The following CDIN1 variants were observed in gnomAD, a reference collection of about 807,000 sequenced individuals.
The protein encoded by CDIN1 is CDAN1-interacting nuclease 1.
In CDIN1, 33 loss-of-function variants were observed where a neutral mutation model predicts 45.3. The observed-to-expected ratio is 0.73, with a 90% CI of 0.55 to 0.97. The LOEUF is 0.97. Ranked by LOEUF, CDIN1 falls within the 50% of genes least tolerant of loss-of-function variation. CDIN1 has a pLI of 0.00. For synonymous variants in CDIN1, 118 were observed against 124.4 expected, an observed-to-expected ratio of 0.95 and a Z score of 0.34; for missense variants, 303 against 339.4, an observed-to-expected ratio of 0.89 and a Z score of 0.84.
intron 1 of CDIN1, among the ~76,000 whole-genome samples, chr15:36,622,752 A>G (rs2140317583): frequency 6.6e-6 from 1 of 152,336 alleles, no homozygotes; most frequent in East Asian, 1.9e-4. Context: ...GGTGAGGTCA[A>G]GTAGCTCTAA....
intron 1 of CDIN1, among the ~76,000 whole-genome samples, chr15:36,597,148 T>A (rs1188347486): frequency 6.6e-6 from 1 of 152,220 alleles, no homozygotes; most frequent in Non-Finnish European, 1.5e-5. Context: ...GTTATTTTTA[T>A]AATTGTTTAT....
intron 1 of CDIN1, among the ~76,000 whole-genome samples, chr15:36,584,719 C>A (rs1410046180): frequency 2.0e-5 from 3 of 152,150 alleles, no homozygotes; most frequent in Non-Finnish European, 2.9e-5. Flanking sequence ...CTCACTCACA[C>A]TGGGGCTATT....
At chr15:36,645,361 T>G in intron 3 of CDIN1, 74 bp downstream of exon 3, 3 of 1,246,728 alleles carry the variant, frequency 2.4e-6, no homozygotes, top group Non-Finnish European at 3.3e-6. Flanking sequence ...ATAAGTTAGG[T>G]TATTAATTTT....
chr15:36,613,595 C>T (rs576899298), intron 1 of CDIN1: 15 of 1,466,298 alleles, frequency 1.0e-5, no homozygotes, highest in African/African-American at 8.3e-5. Flanking sequence ...AAGGCGGGCC[C>T]GGGAACAGGC....
intron 10 of CDIN1, among the ~76,000 whole-genome samples, chr15:36,788,543 A>G (rs745972069): frequency 1.3e-5 from 2 of 152,292 alleles, no homozygotes; most frequent in African/African-American, 2.4e-5. Context: ...CCCAATTTAT[A>G]TATTTTAAAG....
chr15:36,787,499 G>C (rs1361747443), intron 10 of CDIN1, among the ~76,000 whole-genome samples: 4 of 152,116 alleles, frequency 2.6e-5, no homozygotes, highest in Non-Finnish European at 2.9e-5. Context: ...AAAATCAATA[G>C]TCACTTGTAT....
intron 1 of CDIN1, among the ~76,000 whole-genome samples, chr15:36,586,176 G>A (rs1209477376): frequency 1.3e-5 from 2 of 148,792 alleles, no homozygotes; most frequent in East Asian, 2.0e-4. Context: ...TTTGCTTGGT[G>A]TGGGTTTACC....
At chr15:36,632,269 C>T (rs2039711816) in intron 1 of CDIN1, among the ~76,000 whole-genome samples, 1 of 152,194 alleles carries the variant, frequency 6.6e-6, no homozygotes, top group African/African-American at 2.4e-5. Context: ...GTCTCTTGGA[C>T]ATTCTGCTCC....
chr15:36,586,533 GT>G (rs1055751638), intron 1 of CDIN1, among the ~76,000 whole-genome samples: 1 of 152,094 alleles, frequency 6.6e-6, no homozygotes. Context: ...CTATAATAGT[GT>G]GCTCACTATG....
At chr15:36,804,260 A>C (rs1020002046) in intron 10 of CDIN1, among the ~76,000 whole-genome samples, 8 of 152,162 alleles carry the variant, frequency 5.3e-5, no homozygotes, top group Non-Finnish European at 1.0e-4. Context: ...CATTGTTGTA[A>C]CTATATTATT....
chr15:36,580,019 C>A, intron 1 of CDIN1, 58 bp downstream of exon 1: 1 of 1,469,174 alleles, frequency 6.8e-7, no homozygotes, highest in East Asian at 2.4e-5. Context: ...GTGCCTGGGC[C>A]GCCCAGGCAG....
chr15:36,590,033 T>G (rs552665727), intron 1 of CDIN1, among the ~76,000 whole-genome samples: 32 of 152,228 alleles, frequency 2.1e-4, no homozygotes, highest in Admixed American at 1.8e-3. Context: ...TAGTGAAGAG[T>G]CAGTAGTCCT....
chr15:36,678,000 T>G (rs1248187603), intron 5 of CDIN1, among the ~76,000 whole-genome samples: 2 of 152,216 alleles, frequency 1.3e-5, no homozygotes, highest in Non-Finnish European at 2.9e-5. Context: ...TGGAGATATC[T>G]TCCTCTTGTC....
chr15:36,668,440 G>T (rs1254089198), intron 5 of CDIN1, among the ~76,000 whole-genome samples: 1 of 152,098 alleles, frequency 6.6e-6, no homozygotes, highest in Non-Finnish European at 1.5e-5. Flanking sequence ...CAGGTTAAGT[G>T]ACCAGCTTAG....
intron 10 of CDIN1, among the ~76,000 whole-genome samples, chr15:36,742,502 AATTCAACATTGAT>A (rs2044274790): frequency 6.6e-6 from 1 of 152,222 alleles, no homozygotes; most frequent in African/African-American, 2.4e-5. Context: ...CAGAATCTCA[AATTCAACATTGAT>A]TATGTAAAAT....
At chr15:36,725,560 G>A (rs2140894515) in intron 10 of CDIN1, among the ~76,000 whole-genome samples, 1 of 152,206 alleles carries the variant, frequency 6.6e-6, no homozygotes, top group Non-Finnish European at 1.5e-5. Context: ...CTTCTGAAGT[G>A]CAAGATTAAT....
chr15:36,761,186 G>T (rs1167812766), intron 10 of CDIN1, among the ~76,000 whole-genome samples: 1 of 152,042 alleles, frequency 6.6e-6, no homozygotes, highest in Admixed American at 6.6e-5. Context: ...TCAAGCTCTG[G>T]AACAGGTCAC....
At chr15:36,585,415 T>G (rs8040197) in intron 1 of CDIN1, among the ~76,000 whole-genome samples, 73,603 of 152,050 alleles carry the variant, frequency 0.48, 18,034 homozygotes, top group Admixed American at 0.55. Context: ...TCTTACTATT[T>G]CTTTGTCTTT....
rs989517084 is a variant in CDIN1, at chr15:36,723,141, T to C, written c.716+13180T>C. ...CACAGGATTGTACTAGCAAATTGTC[T>C]TGTTAACCCTTTCTTGCTTCTCTTT... On this transcript the variant is annotated intron_variant, in intron 10 of 10. Coordinates refer to ENST00000566621, the MANE Select transcript of CDIN1 (RefSeq NM_001321759.2). 3.9e-5 allele frequency among the ~76,000 whole-genome samples: 6 copies of C among 152,312 alleles called. No individual in the cohort carries two copies. In the South Asian group the frequency reaches 1.0e-3, roughly 26 times the overall value.
Sources: gnomAD v4.1 joint callset for allele counts (sites outside exome capture counted in the v4.1 genomes callset) on GRCh38, gnomAD v4.1.1 for gene constraint, MANE v1.5 for transcripts, NCBI Gene and HGNC (gene_info 2026-07-23, HGNC 2026-07-21) for gene names.